Variants in ITGAE observed in about 807,000 individuals in gnomAD.
The protein encoded by ITGAE is integrin alpha-E.
Under a neutral mutation model 136.5 loss-of-function variants are expected in ITGAE, and 99 were observed. The ratio of observed to expected loss-of-function variants is 0.73; its 90% CI spans 0.62 to 0.86. The LOEUF is 0.86. ITGAE is among the 40% of genes least tolerant of loss of function. ITGAE has a pLI of 0.00. For synonymous variants in ITGAE, 613 were observed against 591.8 expected (o/e 1.04, Z -0.52); for missense variants, 1,447 against 1,515.3 (o/e 0.95, Z 0.75).
chr17:3,757,896 C>T (rs751541234), intron 8 of ITGAE, 37 bp from the exon 9 acceptor site: 3 of 1,610,202 alleles, frequency 1.9e-6, no homozygotes, highest in African/African-American at 1.3e-5. Context: ...GAGAGCTTTG[C>T]CAGAAGGATG....
intron 2 of ITGAE, among the ~76,000 whole-genome samples, chr17:3,771,262 A>G (rs2052413643): frequency 6.6e-6 from 1 of 152,182 alleles, no homozygotes; most frequent in Admixed American, 6.5e-5. Flanking sequence ...TGAAATTCAC[A>G]GGCCTTATGT....
chr17:3,793,091 G>A (rs955612735), intron 1 of ITGAE, among the ~76,000 whole-genome samples: 11 of 150,840 alleles, frequency 7.3e-5, no homozygotes, highest in African/African-American at 1.2e-4. Flanking sequence ...TCACTCTGTC[G>A]CCCAGGCTGG....
intron 28 of ITGAE, chr17:3,721,722 A>G (rs767659657): frequency 8.5e-5 from 13 of 152,216 alleles, no homozygotes; most frequent in Non-Finnish European, 1.6e-4. Context: ...CCACTTTAGA[A>G]TAAGTGATCA....
chr17:3,753,779 G>A lies in ITGAE; in HGVS notation c.1527+4C>T, dbSNP rs752060300. ...AAGGGGTGGAGGCTTTCCCCAGCAG[G>A]TACCTGCTCTCCCTCCAGCACTGGC... On this transcript the variant is annotated splice_donor_region_variant and intron_variant, in intron 13 of 30. Coordinates refer to ENST00000263087, the MANE Select transcript of ITGAE (RefSeq NM_002208.5). 1 of 1,614,106 alleles carries A rather than the reference G, an allele frequency of 6.2e-7. No homozygotes were observed. The highest frequency in any genetic ancestry group is 2.2e-5 in the East Asian group (1 of 44,878).
intron 2 of ITGAE, among the ~76,000 whole-genome samples, chr17:3,767,850 C>T (rs1472171535): frequency 6.6e-6 from 1 of 152,180 alleles, no homozygotes; most frequent in Non-Finnish European, 1.5e-5. Context: ...ATCCTGGGCT[C>T]AAGCACTCCC....
chr17:3,736,238 G>A (rs1010361772), intron 20 of ITGAE, among the ~76,000 whole-genome samples: 5 of 152,174 alleles, frequency 3.3e-5, no homozygotes, highest in African/African-American at 1.2e-4. Context: ...GAGCCCGGGA[G>A]GCAGAGGTTG....
chr17:3,778,615 CCTT>C lies in ITGAE; in HGVS notation c.35-958_35-956del, dbSNP rs2052598007. ...CTGAGTGACAGAAGCCTTAGGTCTT[CCTT>C]CTTTCTTCTCATTTATGTGTGATTT... On this transcript the variant is annotated intron_variant, in intron 1 of 30. Transcript: ENST00000263087. Among the ~76,000 whole-genome samples, 3 of 152,092 alleles carry C rather than the reference CCTT, an allele frequency of 2.0e-5. No individual in the cohort carries two copies. In the South Asian group the frequency reaches 6.2e-4, roughly 32 times the overall value.
intron 1 of ITGAE, among the ~76,000 whole-genome samples, chr17:3,779,334 T>C (rs749917020): frequency 8.8e-5 from 1 of 11,336 alleles, no homozygotes; most frequent in African/African-American, 4.7e-3. Context: ...TATTAATTTC[T>C]TTTTTTTTTT....
At chr17:3,784,072 A>G (rs962866117) in intron 1 of ITGAE, among the ~76,000 whole-genome samples, 1 of 152,134 alleles carries the variant, frequency 6.6e-6, no homozygotes, top group African/African-American at 2.4e-5. Context: ...CATCCTGGCT[A>G]ACACGGTGAA....
At chr17:3,791,184 A>G (rs2052930662) in intron 1 of ITGAE, among the ~76,000 whole-genome samples, 2 of 151,268 alleles carry the variant, frequency 1.3e-5, no homozygotes, top group Non-Finnish European at 1.5e-5. Context: ...ACATTTTGAG[A>G]CAGAGAGATT....
intron 20 of ITGAE, among the ~76,000 whole-genome samples, chr17:3,735,523 G>A (rs1324757599): frequency 1.3e-5 from 2 of 151,860 alleles, no homozygotes; most frequent in African/African-American, 4.8e-5. Context: ...ATGTGGAGGC[G>A]GGTCTTGAAC....
intron 26 of ITGAE, chr17:3,724,747 G>C (rs1216411989): frequency 6.2e-7 from 1 of 1,614,106 alleles, no homozygotes; most frequent in African/African-American, 1.3e-5. Context: ...GAGTCCTGCT[G>C]TAAAAGGAAA....
chr17:3,797,607 C>A (rs895399853), intron 1 of ITGAE, among the ~76,000 whole-genome samples: 2 of 151,906 alleles, frequency 1.3e-5, no homozygotes, highest in African/African-American at 4.8e-5. Context: ...ATTACAGGTG[C>A]GCACCACCAT....
chr17:3,792,914 G>A (rs1055004409), intron 1 of ITGAE, among the ~76,000 whole-genome samples: 12 of 152,186 alleles, frequency 7.9e-5, no homozygotes, highest in Non-Finnish European at 1.2e-4. Context: ...AGAACACAAT[G>A]AAGAAACCCT....
chr17:3,716,699 T>A lies in ITGAE; in HGVS notation c.3433A>T (p.Ile1145Phe), dbSNP rs151074270. The A allele has an allele frequency of 1.3e-6, 2 of 1,592,434 alleles. No homozygotes were observed. Among genetic ancestry groups the A allele is most frequent in the South Asian group, 2.2e-5 (2 of 90,622 alleles). The change falls in exon 30 of 31, where the codon ATC becomes TTC. Residue 1145 changes from isoleucine to phenylalanine, a missense_variant. Ile to Phe is a conservative substitution (Grantham distance 21). Around this residue, in one of 3 missense-constraint regions of ITGAE, gnomAD observed 1,031 missense variants for 1,011.4 expected, o/e 1.02. Transcript: ENST00000263087. Reference protein sequence around the residue: ...GLLVLIVILVILFKCGFFKRK... With the variant: ...GLLVLIVILVFLFKCGFFKRK... Reference sequence around the variant, plus strand: ...TGAGTAGAACTGACCTTGAACAGGATGACCAGAATCACGATCAACACCAGA... The same window carrying A: ...TGAGTAGAACTGACCTTGAACAGGAAGACCAGAATCACGATCAACACCAGA...
chr17:3,798,952 C>T lies in ITGAE; in HGVS notation c.34+2159G>A, dbSNP rs953546406. 1.3e-5 allele frequency among the ~76,000 whole-genome samples: 2 copies of T among 152,144 alleles called. No individual in the cohort carries two copies. The highest frequency in any genetic ancestry group is 2.9e-5 in the Non-Finnish European group (2 of 68,034). The stretch of plus-strand genomic sequence containing the variant: ...CTCCCTTAGACAACTGCTATTATTC[C>T]GTCTGCTGCCACAAATAAGAAGTAG... On this transcript the variant is annotated intron_variant, in intron 1 of 30. Coordinates refer to ENST00000263087, the MANE Select transcript of ITGAE (RefSeq NM_002208.5). The surrounding 1 kb of genome is among the most constrained non-coding windows in gnomAD (Gnocchi z 4.3).
intron 23 of ITGAE, 93 bp from the exon 24 acceptor site, chr17:3,729,648 G>T: frequency 2.3e-6 from 2 of 861,486 alleles, no homozygotes; most frequent in Non-Finnish European, 4.0e-6. Flanking sequence ...AGGCAGGAGT[G>T]CAGTGTTGCC....
At chr17:3,778,668 C>A (rs2052599246) in intron 1 of ITGAE, among the ~76,000 whole-genome samples, 1 of 152,166 alleles carries the variant, frequency 6.6e-6, no homozygotes, top group African/African-American at 2.4e-5. Flanking sequence ...AGAATAGGCT[C>A]ATGAATTCTA....
intron 20 of ITGAE, among the ~76,000 whole-genome samples, chr17:3,739,153 T>C (rs1393209159): frequency 6.6e-6 from 1 of 151,646 alleles, no homozygotes; most frequent in East Asian, 1.9e-4. Context: ...ACCACATAGC[T>C]CGTTCCCCTA....
Sources: allele counts gnomAD v4.1 joint callset (sites outside exome capture counted in the v4.1 genomes callset), GRCh38; gene constraint gnomAD v4.1.1; regional missense constraint gnomAD v4.1.1; non-coding constraint Gnocchi (gnomAD v3.1); transcripts MANE v1.5; gene names NCBI Gene and HGNC (gene_info 2026-07-23, HGNC 2026-07-21).